Variants in GALNTL6 observed in about 807,000 individuals in gnomAD.
The protein encoded by GALNTL6 is polypeptide N-acetylgalactosaminyltransferase-like 6.
GALNTL6 carries 46 observed loss-of-function variants against 73.7 expected under a neutral mutation model. The observed-to-expected ratio is 0.62, with a 90% confidence interval of 0.49 to 0.80. GALNTL6 has a LOEUF of 0.80. Ranked by LOEUF, GALNTL6 falls within the 30% of genes least tolerant of loss-of-function variation. The pLI, the probability that GALNTL6 is intolerant of heterozygous loss-of-function variation, is 0.00. For missense variants in GALNTL6, 604 were observed against 755.0 expected, an observed-to-expected ratio of 0.80 and a Z score of 2.34; for synonymous variants, 259 against 263.7, an observed-to-expected ratio of 0.98 and a Z score of 0.17.
intron 5 of GALNTL6, among the ~76,000 whole-genome samples, chr4:172,772,020 C>T (rs763867245): frequency 7.2e-5 from 11 of 152,084 alleles, no homozygotes; most frequent in Non-Finnish European, 1.2e-4. Flanking sequence ...GGGGAGGCCT[C>T]ACAATCATGG....
intron 5 of GALNTL6, among the ~76,000 whole-genome samples, chr4:172,488,079 G>C (rs1197285572): frequency 6.6e-6 from 1 of 152,156 alleles, no homozygotes; most frequent in East Asian, 1.9e-4. Flanking sequence ...TGGAACTTAA[G>C]ACTACTGGAG....
In GALNTL6 at chr4:172,011,877, C is replaced by T. The variant is rs973205596; in HGVS notation, c.138+197159C>T. Among the ~76,000 whole-genome samples the T allele has an allele frequency of 3.9e-5, 6 of 152,108 alleles. No homozygotes were observed. In the South Asian group the frequency reaches 6.2e-4, roughly 16 times the overall value. Reference sequence around the variant, plus strand: ...TATCAAGAATAGAGATAAATTTGCACTTTAAAGAATAAATGAATTTTTCAT... The same window carrying T: ...TATCAAGAATAGAGATAAATTTGCATTTTAAAGAATAAATGAATTTTTCAT... On this transcript the variant is annotated intron_variant, in intron 2 of 12. Coordinates refer to ENST00000506823, the MANE Select transcript of GALNTL6 (RefSeq NM_001034845.3).
chr4:172,762,235 A>G (rs1327922738), intron 5 of GALNTL6, among the ~76,000 whole-genome samples: 1 of 152,200 alleles, frequency 6.6e-6, no homozygotes, highest in East Asian at 1.9e-4. Flanking sequence ...TGCTCATTCA[A>G]CTGCAGAGGT....
chr4:172,694,115 G>C (rs1370563484), intron 5 of GALNTL6, among the ~76,000 whole-genome samples: 3 of 144,844 alleles, frequency 2.1e-5, no homozygotes. Flanking sequence ...GTAAGCAGCT[G>C]CACTATTTCT....
At chr4:172,300,486 C>T (rs1197314769) in intron 3 of GALNTL6, among the ~76,000 whole-genome samples, 1 of 152,092 alleles carries the variant, frequency 6.6e-6, no homozygotes, top group Non-Finnish European at 1.5e-5. Flanking sequence ...TACAATTTGG[C>T]ATGTTTTTGC....
intron 2 of GALNTL6, among the ~76,000 whole-genome samples, chr4:172,188,280 A>G (rs1560960613): frequency 6.6e-6 from 1 of 152,220 alleles, no homozygotes; most frequent in Non-Finnish European, 1.5e-5. Context: ...CAAGTTCCCT[A>G]ATGTTGTCCA....
At chr4:172,899,561 G>A (rs947579720) in intron 8 of GALNTL6, among the ~76,000 whole-genome samples, 2 of 152,134 alleles carry the variant, frequency 1.3e-5, no homozygotes, top group African/African-American at 4.8e-5. Context: ...AATAACTATA[G>A]AAATAGCATC....
At chr4:172,793,519 G>T (rs959157471) in intron 5 of GALNTL6, among the ~76,000 whole-genome samples, 2 of 152,136 alleles carry the variant, frequency 1.3e-5, no homozygotes, top group Admixed American at 6.5e-5. Context: ...AGTGTGAAAA[G>T]CATCCCGGGA....
chr4:171,899,877 T>C (rs888396360), intron 2 of GALNTL6, among the ~76,000 whole-genome samples: 1 of 152,214 alleles, frequency 6.6e-6, no homozygotes, highest in African/African-American at 2.4e-5. Flanking sequence ...CAATTTCTTA[T>C]CATACTTGAT....
chr4:172,050,204 G>A (rs1208735557), intron 2 of GALNTL6, among the ~76,000 whole-genome samples: 1 of 152,126 alleles, frequency 6.6e-6, no homozygotes, highest in African/African-American at 2.4e-5. Context: ...GCCAAGGTTT[G>A]CAGCAGGAGA....
intron 5 of GALNTL6, among the ~76,000 whole-genome samples, chr4:172,783,071 A>G (rs1343220492): frequency 1.3e-5 from 2 of 151,632 alleles, no homozygotes; most frequent in Non-Finnish European, 2.9e-5. Context: ...AGTTGTTTGC[A>G]CCACTTGAAA....
At chr4:172,122,589 G>A (rs1316916979) in intron 2 of GALNTL6, among the ~76,000 whole-genome samples, 3 of 152,124 alleles carry the variant, frequency 2.0e-5, no homozygotes, top group Non-Finnish European at 2.9e-5. Flanking sequence ...AGTTTATAAC[G>A]AGCAAAAGAC....
intron 5 of GALNTL6, among the ~76,000 whole-genome samples, chr4:172,387,508 T>A (rs955742326): frequency 6.6e-6 from 1 of 152,154 alleles, no homozygotes; most frequent in African/African-American, 2.4e-5. Context: ...CAACTGTTAA[T>A]CTTATTGAAG....
At chr4:172,593,531 T>C (rs572621751) in intron 5 of GALNTL6, among the ~76,000 whole-genome samples, 5 of 152,282 alleles carry the variant, frequency 3.3e-5, no homozygotes, top group South Asian at 2.1e-4. Context: ...ACCACTCTAT[T>C]GGTGGCCAAA....
chr4:173,027,742 G>A (rs1049304850), intron 12 of GALNTL6, among the ~76,000 whole-genome samples: 2 of 152,134 alleles, frequency 1.3e-5, no homozygotes, highest in African/African-American at 4.8e-5. Context: ...ATAAGAATTG[G>A]AAAGGAAGAA....
At chr4:171,847,788 C>T (rs1735414114) in intron 2 of GALNTL6, among the ~76,000 whole-genome samples, 1 of 152,172 alleles carries the variant, frequency 6.6e-6, no homozygotes, top group African/African-American at 2.4e-5. Flanking sequence ...TCAAGCTCCA[C>T]TTCTAATTCT....
chr4:171,965,238 C>A (rs569151921), intron 2 of GALNTL6, among the ~76,000 whole-genome samples: 19 of 152,222 alleles, frequency 1.2e-4, no homozygotes, highest in Non-Finnish European at 1.6e-4. Flanking sequence ...GCATTTTGAT[C>A]ATTAGTATGC....
At chr4:172,638,150 C>G (rs1047283723) in intron 5 of GALNTL6, among the ~76,000 whole-genome samples, 2 of 152,232 alleles carry the variant, frequency 1.3e-5, no homozygotes, top group African/African-American at 2.4e-5. Flanking sequence ...CACATGCACA[C>G]AAATCACATC....
At chr4:172,830,803 G>A (rs532410714) in intron 7 of GALNTL6, among the ~76,000 whole-genome samples, 2 of 152,248 alleles carry the variant, frequency 1.3e-5, no homozygotes, top group East Asian at 1.9e-4. Context: ...ATTCTCAAGG[G>A]TAGGTTAAAA....
Sources: gnomAD v4.1 joint callset for allele counts (sites outside exome capture counted in the v4.1 genomes callset) on GRCh38, gnomAD v4.1.1 for gene constraint, MANE v1.5 for transcripts, NCBI Gene and HGNC (gene_info 2026-07-23, HGNC 2026-07-21) for gene names.